CNOT1: variants seen among roughly 807,000 people sequenced by gnomAD.
CNOT1 encodes the protein CCR4-NOT transcription complex subunit 1, also known as CCR4-associated factor 1.
In CNOT1, 15 loss-of-function variants were observed where a neutral mutation model predicts 273.8. That is an observed-to-expected ratio of 0.05 (90% confidence interval 0.04 to 0.08). CNOT1 has a LOEUF of 0.08. Among genes scored for constraint, CNOT1 ranks in the 10% least tolerant of loss-of-function variants. CNOT1 has a pLI of 1.00. For synonymous variants in CNOT1, 1,022 were observed against 1,005.5 expected (o/e 1.02, Z -0.31); for missense variants, 1,644 against 2,912.2 (o/e 0.56, Z 10.02).
intron 21 of CNOT1, among the ~76,000 whole-genome samples, chr16:58,554,232 CGTA>C (rs1255389983): frequency 6.7e-6 from 1 of 149,886 alleles, no homozygotes; most frequent in African/African-American, 2.5e-5. Context: ...ACTACTGAAA[CGTA>C]GTAACGTAAG....
intron 16 of CNOT1, among the ~76,000 whole-genome samples, chr16:58,571,521 C>T (rs1208602505): frequency 6.6e-6 from 1 of 152,116 alleles, no homozygotes; most frequent in Non-Finnish European, 1.5e-5. Flanking sequence ...GACAGTGCCA[C>T]CACACTCCAG....
intron 46 of CNOT1, among the ~76,000 whole-genome samples, chr16:58,524,821 C>T (rs2039531070): frequency 6.6e-6 from 1 of 152,106 alleles, no homozygotes; most frequent in South Asian, 2.1e-4. Context: ...TAACAAGATG[C>T]CTGCCAAACA....
chr16:58,625,749 C>T (rs2043546349), intron 1 of CNOT1, among the ~76,000 whole-genome samples: 1 of 150,674 alleles, frequency 6.6e-6, no homozygotes. Context: ...GTCCCAGCTA[C>T]TCAGGGGCTG....
chr16:58,575,773 G>A (rs2041438670), intron 14 of CNOT1, among the ~76,000 whole-genome samples: 1 of 151,414 alleles, frequency 6.6e-6, no homozygotes, highest in South Asian at 2.1e-4. Flanking sequence ...ACTCCAGCCT[G>A]GGCGACAGAG....
rs773187285 is a variant in CNOT1, at chr16:58,585,477, G to C, written c.667C>G (p.Leu223Val). The C allele has an allele frequency of 6.2e-7, 1 of 1,610,310 alleles. No individual in the cohort carries two copies. The highest frequency in any genetic ancestry group is 1.7e-5 in the Admixed American group (1 of 59,868). Reference protein sequence around the residue: ...DFPQERCPVVLAPLLYPEKRD... With the variant: ...DFPQERCPVVVAPLLYPEKRD... The stretch of plus-strand genomic sequence containing the variant: ...TTTTCAGGGTATAAAAGTGGTGCGA[G>C]CACCACGGGACAGCGTTCTTGGGGA... Residue 223 changes from leucine (L) to valine (V), a missense_variant, in exon 8 of 49, where the codon CTC (leucine) becomes GTC (valine). Leu to Val is a conservative substitution (Grantham distance 32). Coordinates refer to ENST00000317147, the MANE Select transcript of CNOT1 (RefSeq NM_016284.5).
intron 10 of CNOT1, 102 bp from the exon 11 acceptor site, chr16:58,581,617 A>G: frequency 2.8e-6 from 4 of 1,428,478 alleles, no homozygotes. Context: ...TAGATGTTCT[A>G]CTTACAAAAT....
At chr16:58,619,714 G>A (rs896475230) in intron 1 of CNOT1, among the ~76,000 whole-genome samples, 1 of 152,200 alleles carries the variant, frequency 6.6e-6, no homozygotes, top group African/African-American at 2.4e-5. Context: ...GTGAGCCACC[G>A]CGCGTAGCCA....
chr16:58,548,724 A>G (rs543903880), intron 25 of CNOT1: 1 of 434,518 alleles, frequency 2.3e-6, no homozygotes, highest in South Asian at 1.8e-5. Flanking sequence ...GAAATAAATG[A>G]TGGTTTAGAA....
At chr16:58,539,297 C>A (rs757546287) in intron 35 of CNOT1, among the ~76,000 whole-genome samples, 2 of 151,920 alleles carry the variant, frequency 1.3e-5, no homozygotes, top group East Asian at 3.9e-4. Flanking sequence ...AGATTGAGAA[C>A]GACCTGGACA....
chr16:58,548,578 C>A, intron 25 of CNOT1: 1 of 519,212 alleles, frequency 1.9e-6, no homozygotes, highest in Non-Finnish European at 3.8e-6. Context: ...TTCTTTTGCA[C>A]TACAGCGTAA....
chr16:58,564,360 T>C (rs2040964430), intron 16 of CNOT1, among the ~76,000 whole-genome samples: 1 of 68,624 alleles, frequency 1.5e-5, no homozygotes, highest in African/African-American at 3.7e-5. Flanking sequence ...AAAAAGAAAC[T>C]GTTCCAAAAA....
intron 1 of CNOT1, 70 bp from the exon 2 acceptor site, chr16:58,599,581 C>A (rs1305230577): frequency 3.8e-6 from 2 of 520,340 alleles, no homozygotes; most frequent in African/African-American, 1.9e-5. Context: ...CTGGTCCAGG[C>A]GCAGTGGTGT....
chr16:58,619,156 G>T (rs980028769), intron 1 of CNOT1, among the ~76,000 whole-genome samples: 2 of 152,064 alleles, frequency 1.3e-5, no homozygotes, highest in African/African-American at 4.8e-5. Flanking sequence ...AGCCATGATC[G>T]TGCCACTGCA....
At chr16:58,587,061 T>C in intron 6 of CNOT1, 140 bp downstream of exon 6, 1 of 1,199,286 alleles carries the variant, frequency 8.3e-7, no homozygotes, top group Non-Finnish European at 1.2e-6. Context: ...AACATTTATA[T>C]TACATGTTTT....
chr16:58,624,161 G>A (rs571122416), intron 1 of CNOT1, among the ~76,000 whole-genome samples: 2 of 152,302 alleles, frequency 1.3e-5, no homozygotes, highest in South Asian at 4.1e-4. Context: ...GACTGTCTAT[G>A]GGACTTGAGC....
chr16:58,601,799 G>A (rs1314415219), intron 1 of CNOT1, among the ~76,000 whole-genome samples: 2 of 142,652 alleles, frequency 1.4e-5, no homozygotes, highest in African/African-American at 2.6e-5. Context: ...CACTTTGGGA[G>A]GCTGAGGCAG....
intron 39 of CNOT1, 32 bp from the exon 40 acceptor site, chr16:58,534,427 G>C (rs762003154): frequency 2.2e-5 from 36 of 1,605,554 alleles, no homozygotes; most frequent in Non-Finnish European, 2.5e-5. Context: ...AAGACACAAT[G>C]AGGTAACACA....
chr16:58,540,635 TG>T (rs2040064799), intron 34 of CNOT1, among the ~76,000 whole-genome samples: 1 of 152,222 alleles, frequency 6.6e-6, no homozygotes. Flanking sequence ...GGATACATGG[TG>T]AAACTCGAGT....
chr16:58,614,882 C>T (rs8061594), intron 1 of CNOT1, among the ~76,000 whole-genome samples: 72,440 of 120,358 alleles, frequency 0.6, 29,288 homozygotes, highest in African/African-American at 0.79. Flanking sequence ...ATTTTTTGTA[C>T]TTTTATTAGA....
Sources: allele counts gnomAD v4.1 joint callset (sites outside exome capture counted in the v4.1 genomes callset), GRCh38; gene constraint gnomAD v4.1.1; transcripts MANE v1.5; gene names NCBI Gene and HGNC (gene_info 2026-07-23, HGNC 2026-07-21).